IQCJ: variants seen among roughly 807,000 people sequenced by gnomAD.
IQCJ encodes the protein IQ motif containing J.
Under a neutral mutation model 11.0 loss-of-function variants are expected in IQCJ, and 9 were observed. The ratio of observed to expected loss-of-function variants is 0.82; its 90% CI spans 0.49 to 1.43. The LOEUF (loss-of-function observed/expected upper bound fraction) is 1.43. Among genes scored for constraint, IQCJ ranks in the 40% most tolerant of loss-of-function variants. The probability of loss-of-function intolerance (pLI) is 0.00; values close to 1 mark genes in which losing one functional copy is unlikely to be tolerated. For missense variants in IQCJ, 146 were observed against 133.2 expected (o/e 1.10, Z -0.47); for synonymous variants, 55 against 51.3 (o/e 1.07, Z -0.31).
At chr3:159,180,072 C>T (rs1027310818) in intron 1 of IQCJ, among the ~76,000 whole-genome samples, 1 of 152,104 alleles carries the variant, frequency 6.6e-6, no homozygotes, top group African/African-American at 2.4e-5. Context: ...GCAGAAGAGG[C>T]TTTGTGAAGG....
chr3:159,255,906 G>C (rs969143252), intron 3 of IQCJ, among the ~76,000 whole-genome samples: 1 of 152,196 alleles, frequency 6.6e-6, no homozygotes, highest in Admixed American at 6.5e-5. Context: ...GGCTCTCTGA[G>C]CAACTCTAAG....
At chr3:159,247,749 G>T (rs987536902) in intron 2 of IQCJ, among the ~76,000 whole-genome samples, 3 of 152,172 alleles carry the variant, frequency 2.0e-5, no homozygotes, top group Non-Finnish European at 2.9e-5. Context: ...TAGCTTGTTT[G>T]GGGGAGAAGG....
At chr3:159,242,658 A>G (rs569345951) in intron 1 of IQCJ, among the ~76,000 whole-genome samples, 2 of 151,884 alleles carry the variant, frequency 1.3e-5, no homozygotes, top group Non-Finnish European at 2.9e-5. Flanking sequence ...ATGAAGAAGA[A>G]TTGATCTCAA....
chr3:159,153,149 T>C (rs1421730173), intron 1 of IQCJ, among the ~76,000 whole-genome samples: 5 of 152,240 alleles, frequency 3.3e-5, no homozygotes, highest in African/African-American at 1.2e-4. Context: ...AGATAATATT[T>C]GGCATACTGA....
chr3:159,083,187 G>A (rs1287340061), intron 1 of IQCJ, among the ~76,000 whole-genome samples: 1 of 152,070 alleles, frequency 6.6e-6, no homozygotes, highest in Admixed American at 6.6e-5. Context: ...CTATAGCCTG[G>A]GGGACAATAT....
intron 1 of IQCJ, among the ~76,000 whole-genome samples, chr3:159,142,839 T>C (rs1164004025): frequency 6.6e-6 from 1 of 152,208 alleles, no homozygotes; most frequent in Non-Finnish European, 1.5e-5. Context: ...GTCTTAATAA[T>C]TTGATTATTA....
intron 1 of IQCJ, chr3:159,069,664 CTG>C: frequency 6.3e-6 from 4 of 631,316 alleles, no homozygotes; most frequent in South Asian, 1.9e-5. Context: ...ATACATGTGT[CTG>C]TGCGGACAGA....
intron 1 of IQCJ, among the ~76,000 whole-genome samples, chr3:159,200,681 A>G (rs1167854877): frequency 6.6e-6 from 1 of 152,216 alleles, no homozygotes; most frequent in Non-Finnish European, 1.5e-5. Context: ...GGAAGAGAAC[A>G]TCTAATTCAT....
At chr3:159,176,625 T>C (rs1446992210) in intron 1 of IQCJ, among the ~76,000 whole-genome samples, 1 of 152,126 alleles carries the variant, frequency 6.6e-6, no homozygotes, top group East Asian at 1.9e-4. Flanking sequence ...CATTAAAAAA[T>C]TAAACAGGTA....
chr3:159,158,474 T>C (rs1262550827), intron 1 of IQCJ, among the ~76,000 whole-genome samples: 1 of 152,146 alleles, frequency 6.6e-6, no homozygotes. Context: ...GTTTCCGGAA[T>C]TCTCAGAACC....
chr3:159,210,590 T>A (rs143843629), intron 1 of IQCJ, among the ~76,000 whole-genome samples: 8 of 152,338 alleles, frequency 5.3e-5, no homozygotes, highest in South Asian at 2.1e-4. Context: ...CAATCACACA[T>A]GGATTCTAAA....
intron 1 of IQCJ, among the ~76,000 whole-genome samples, chr3:159,160,298 C>A (rs1053595498): frequency 2.0e-5 from 3 of 151,696 alleles, no homozygotes; most frequent in Non-Finnish European, 2.9e-5. Flanking sequence ...CAACATAATT[C>A]TATTATTATT....
At chr3:159,226,557 T>G (rs1725865021) in intron 1 of IQCJ, among the ~76,000 whole-genome samples, 1 of 152,194 alleles carries the variant, frequency 6.6e-6, no homozygotes, top group Admixed American at 6.5e-5. Flanking sequence ...GATGCTAATA[T>G]TGGGGGAGGA....
chr3:159,233,976 C>A (rs1458985419), intron 1 of IQCJ, among the ~76,000 whole-genome samples: 1 of 152,090 alleles, frequency 6.6e-6, no homozygotes, highest in Non-Finnish European at 1.5e-5. Flanking sequence ...TAAATCCGAG[C>A]AGTTTGCAGA....
chr3:159,128,494 T>C (rs1408772228), intron 1 of IQCJ, among the ~76,000 whole-genome samples: 2 of 152,184 alleles, frequency 1.3e-5, no homozygotes, highest in Admixed American at 1.3e-4. Flanking sequence ...ACAAATATTT[T>C]TCTAGGAATG....
intron 1 of IQCJ, among the ~76,000 whole-genome samples, chr3:159,223,584 C>T (rs1267462666): frequency 6.6e-6 from 1 of 152,122 alleles, no homozygotes; most frequent in South Asian, 2.1e-4. Context: ...AGTTAAAACC[C>T]TGCTGTCCTG....
chr3:159,173,025 AT>A (rs1330485804), intron 1 of IQCJ, among the ~76,000 whole-genome samples: 1 of 152,186 alleles, frequency 6.6e-6, no homozygotes, highest in East Asian at 1.9e-4. Context: ...ATTTCAGGAG[AT>A]TGCTCACTGT....
chr3:159,232,959 G>C (rs1305924192), intron 1 of IQCJ, among the ~76,000 whole-genome samples: 1 of 152,136 alleles, frequency 6.6e-6, no homozygotes, highest in Non-Finnish European at 1.5e-5. Context: ...TTAACATCCA[G>C]GTATAGAGAT....
At chr3:159,228,623 C>T (rs1411567182) in intron 1 of IQCJ, among the ~76,000 whole-genome samples, 1 of 152,054 alleles carries the variant, frequency 6.6e-6, no homozygotes, top group Non-Finnish European at 1.5e-5. Flanking sequence ...AACCTCGTCT[C>T]TACTAAAAAT....
Sources: gnomAD v4.1 joint callset for allele counts (sites outside exome capture counted in the v4.1 genomes callset) on GRCh38, gnomAD v4.1.1 for gene constraint, MANE v1.5 for transcripts, NCBI Gene and HGNC (gene_info 2026-07-23, HGNC 2026-07-21) for gene names.